The following VPS53 variants were observed in gnomAD, a reference collection of about 807,000 sequenced individuals.
VPS53 encodes the protein VPS53 subunit of GARP complex.
In VPS53, 70 loss-of-function variants were observed where a neutral mutation model predicts 107.0. The observed-to-expected ratio is 0.65, with a 90% CI of 0.54 to 0.80. The LOEUF is 0.80. VPS53 is among the 30% of genes least tolerant of loss of function. The pLI, the probability that VPS53 is intolerant of heterozygous loss-of-function variation, is 0.00. For missense variants in VPS53, 917 were observed against 1,049.4 expected, an observed-to-expected ratio of 0.87 and a Z score of 1.74; for synonymous variants, 409 against 393.3, an observed-to-expected ratio of 1.04 and a Z score of -0.47.
chr17:616,568 GGCCAGGAGC>G (rs1969143204), intron 11 of VPS53: 1 of 152,340 alleles, frequency 6.6e-6, no homozygotes, highest in African/African-American at 2.4e-5. Flanking sequence ...CTGGGCTCCA[GGCCAGGAGC>G]TTGGCCCTGG....
chr17:535,906 G>A (rs1910024855), intron 18 of VPS53, among the ~76,000 whole-genome samples: 1 of 152,136 alleles, frequency 6.6e-6, no homozygotes, highest in Admixed American at 6.6e-5. Context: ...AGAGATTGGG[G>A]GAAGACAGAA....
chr17:576,135 C>T (rs145366903), intron 13 of VPS53, among the ~76,000 whole-genome samples: 1 of 151,786 alleles, frequency 6.6e-6, no homozygotes, highest in African/African-American at 2.4e-5. Flanking sequence ...TCCCTCAGAA[C>T]CTAATGAGTT....
At chr17:578,920 A>T (rs565317068) in intron 13 of VPS53, among the ~76,000 whole-genome samples, 1 of 149,460 alleles carries the variant, frequency 6.7e-6, no homozygotes, top group East Asian at 2.0e-4. Flanking sequence ...ATGCGTTTGT[A>T]GAGAACTTCC....
intron 7 of VPS53, among the ~76,000 whole-genome samples, chr17:642,766 G>T (rs1211088348): frequency 2.9e-4 from 40 of 139,194 alleles, no homozygotes; most frequent in East Asian, 5.0e-4. Flanking sequence ...TACTTGGAAA[G>T]CGAGGACAAC....
chr17:553,908 T>C (rs1912105729), intron 15 of VPS53, among the ~76,000 whole-genome samples: 1 of 152,248 alleles, frequency 6.6e-6, no homozygotes, highest in South Asian at 2.1e-4. Context: ...ATTATTATCA[T>C]CGTCATTTTA....
chr17:666,414 A>G (rs769902866), intron 4 of VPS53, among the ~76,000 whole-genome samples: 18 of 152,234 alleles, frequency 1.2e-4, no homozygotes, highest in Non-Finnish European at 2.2e-4. Context: ...CTATAATCCC[A>G]GCACTTTGGG....
At chr17:571,742 G>A (rs1175445210) in intron 13 of VPS53, among the ~76,000 whole-genome samples, 22 of 152,230 alleles carry the variant, frequency 1.4e-4, no homozygotes, top group African/African-American at 4.8e-4. Context: ...ACGGGGTTTC[G>A]CTGTGTTGGC....
At chr17:567,482 A>G (rs11655093) in intron 13 of VPS53, among the ~76,000 whole-genome samples, 2 of 150,628 alleles carry the variant, frequency 1.3e-5, no homozygotes, top group Admixed American at 1.3e-4. Context: ...TTTTGAATAC[A>G]TGATCCAATC....
chr17:669,592 T>TAAAAAAAAAAAAGAAA (rs1971850391), intron 4 of VPS53, among the ~76,000 whole-genome samples: 1 of 110,234 alleles, frequency 9.1e-6, no homozygotes, highest in Non-Finnish European at 1.9e-5. Context: ...TACTCTGTCT[T>TAAAAAAAAAAAAGAAA]AAAAAAAAAA....
chr17:661,346 C>G (rs755009914), intron 5 of VPS53, among the ~76,000 whole-genome samples: 3 of 151,484 alleles, frequency 2.0e-5, no homozygotes, highest in South Asian at 2.1e-4. Flanking sequence ...ATGGTGAAAC[C>G]CTTTCTCTAC....
chr17:544,097 G>A (rs962841382), intron 17 of VPS53, among the ~76,000 whole-genome samples: 3 of 152,026 alleles, frequency 2.0e-5, no homozygotes, highest in African/African-American at 4.8e-5. Context: ...AGTTTTCAGG[G>A]AAAAATATTC....
At chr17:673,354 C>A (rs533340462) in intron 4 of VPS53, among the ~76,000 whole-genome samples, 1 of 152,172 alleles carries the variant, frequency 6.6e-6, no homozygotes, top group South Asian at 2.1e-4. Context: ...GCTATGGAAA[C>A]GAGGTATCCC....
chr17:642,074 C>T (rs1231202700), intron 7 of VPS53, among the ~76,000 whole-genome samples: 1 of 152,112 alleles, frequency 6.6e-6, no homozygotes, highest in Non-Finnish European at 1.5e-5. Context: ...ATAAAGTAGC[C>T]CTGAGACTTT....
At chr17:523,489 T>A (rs914271033) in intron 19 of VPS53, 1 of 152,234 alleles carries the variant, frequency 6.6e-6, no homozygotes, top group African/African-American at 2.4e-5. Context: ...AATTTCCTAT[T>A]TACTTTGCTT....
chr17:673,401 T>C (rs1972041819), intron 4 of VPS53, among the ~76,000 whole-genome samples: 1 of 152,166 alleles, frequency 6.6e-6, no homozygotes, highest in Admixed American at 6.5e-5. Flanking sequence ...GCCTCAGCAA[T>C]GCTAACAATG....
At chr17:527,855 TCCTGCCACAGCCTC>T (rs2151800476) in intron 19 of VPS53, among the ~76,000 whole-genome samples, 1 of 152,298 alleles carries the variant, frequency 6.6e-6, no homozygotes, top group Admixed American at 6.5e-5. Context: ...CAAGCAGTCT[TCCTGCCACAGCCTC>T]CCAGAGTGCT....
intron 3 of VPS53, among the ~76,000 whole-genome samples, chr17:698,932 C>T (rs1029996221): frequency 1.3e-5 from 2 of 152,016 alleles, no homozygotes; most frequent in African/African-American, 2.4e-5. Flanking sequence ...CGTTGGGAGG[C>T]GAAGGCAGGT....
At chr17:542,807 C>T (rs1428953550) in intron 17 of VPS53, among the ~76,000 whole-genome samples, 1 of 151,936 alleles carries the variant, frequency 6.6e-6, no homozygotes, top group African/African-American at 2.4e-5. Flanking sequence ...TGTGAAACCC[C>T]GTCTCTACCA....
intron 15 of VPS53, among the ~76,000 whole-genome samples, chr17:559,391 A>G (rs1912736470): frequency 1.3e-5 from 2 of 152,144 alleles, no homozygotes; most frequent in East Asian, 3.9e-4. Flanking sequence ...TCATGAAAGA[A>G]CTCTGGAACC....
Sources: gnomAD v4.1 joint callset for allele counts (sites outside exome capture counted in the v4.1 genomes callset) on GRCh38, gnomAD v4.1.1 for gene constraint, MANE v1.5 for transcripts, NCBI Gene and HGNC (gene_info 2026-07-23, HGNC 2026-07-21) for gene names.